The following DEPTOR variants were observed in gnomAD, a reference collection of about 807,000 sequenced individuals.
DEPTOR encodes the protein DEP domain containing MTOR interacting protein.
Under a neutral mutation model 41.6 loss-of-function variants are expected in DEPTOR, and 41 were observed. The ratio of observed to expected loss-of-function variants is 0.98; its 90% confidence interval spans 0.77 to 1.28. The LOEUF is 1.28. Ranked by LOEUF, DEPTOR falls within the 50% of genes most tolerant of loss-of-function variation. DEPTOR has a pLI of 0.00. For synonymous variants in DEPTOR, 195 were observed against 192.3 expected (o/e 1.01, Z -0.12); for missense variants, 514 against 527.9 (o/e 0.97, Z 0.26).
At chr8:120,042,429 A>G (rs983157200) in intron 8 of DEPTOR, among the ~76,000 whole-genome samples, 8 of 152,238 alleles carry the variant, frequency 5.3e-5, no homozygotes, top group Non-Finnish European at 1.2e-4. Context: ...ATTTTTACTA[A>G]CAGGACATTG....
intron 1 of DEPTOR, among the ~76,000 whole-genome samples, chr8:119,883,817 G>A (rs1435313977): frequency 1.3e-5 from 2 of 152,130 alleles, no homozygotes; most frequent in African/African-American, 4.8e-5. Context: ...GGGCCAGTAG[G>A]TATCTATGTC....
rs377443807 is a variant in DEPTOR, at chr8:119,900,380, C to CTTTTTTTTTT, written c.122+26427_122+26436dup. Among the ~76,000 whole-genome samples, 64 of 43,910 alleles carry CTTTTTTTTTT rather than the reference C, an allele frequency of 1.5e-3. 12 individuals carry two copies. Among genetic ancestry groups the CTTTTTTTTTT allele is most frequent in the African/African-American group, 7.1e-3 (59 of 8,304 alleles). 28.8% of individuals were successfully genotyped at this position (43,910 alleles called of 152,430 possible). The stretch of plus-strand genomic sequence containing the variant: ...TAAATGTCTATTACACACCCCTCAC[C>CTTTTTTTTTT]TTTTTTTTTTTTTTTTTTTTTTTTG... On this transcript the variant is annotated intron_variant, in intron 1 of 8. Coordinates refer to ENST00000286234, the MANE Select transcript of DEPTOR (RefSeq NM_022783.4).
intron 3 of DEPTOR, among the ~76,000 whole-genome samples, chr8:119,959,321 C>G (rs1243640136): frequency 6.6e-6 from 1 of 151,688 alleles, no homozygotes; most frequent in Non-Finnish European, 1.5e-5. Context: ...CACCACCACG[C>G]CCAGCTAATT....
chr8:120,009,377 C>A (rs1048293752), intron 8 of DEPTOR, among the ~76,000 whole-genome samples: 1 of 152,124 alleles, frequency 6.6e-6, no homozygotes, highest in African/African-American at 2.4e-5. Context: ...CATTCAGAGG[C>A]CAAGGCAGAC....
intron 4 of DEPTOR, among the ~76,000 whole-genome samples, chr8:119,974,467 A>T (rs1728218030): frequency 6.6e-6 from 1 of 151,930 alleles, no homozygotes; most frequent in Admixed American, 6.6e-5. Flanking sequence ...AATCTCTAGG[A>T]TAGATCTCAA....
At position 119,906,695 on chromosome 8, in the gene DEPTOR, T is replaced by C. The variant is rs559617373; in HGVS notation, c.123-21705T>C. Among the ~76,000 whole-genome samples the C allele has an allele frequency of 5.9e-5, 9 of 152,246 alleles. No individual in the cohort carries two copies. The South Asian group carries it at 1.9e-3, about 32-fold the overall frequency. On this transcript the variant is annotated intron_variant, in intron 1 of 8. Coordinates refer to ENST00000286234, the MANE Select transcript of DEPTOR (RefSeq NM_022783.4). ...TTTGATTTTCCCTATTGCTGGACCA[T>C]AAGCCTAAAGTGATGGCTGGTGACA...
intron 4 of DEPTOR, among the ~76,000 whole-genome samples, chr8:119,970,534 A>G (rs1360812500): frequency 6.6e-6 from 1 of 152,158 alleles, no homozygotes; most frequent in Non-Finnish European, 1.5e-5. Context: ...CTGGATTTAG[A>G]TGCGGCTTTT....
At chr8:119,874,938 G>A (rs940868734) in intron 1 of DEPTOR, among the ~76,000 whole-genome samples, 1 of 152,140 alleles carries the variant, frequency 6.6e-6, no homozygotes, top group Non-Finnish European at 1.5e-5. Flanking sequence ...GTTACTTCTA[G>A]TTCTTAGCCT....
At chr8:120,003,683 G>A (rs1336873031) in intron 6 of DEPTOR, among the ~76,000 whole-genome samples, 1 of 152,166 alleles carries the variant, frequency 6.6e-6, no homozygotes, top group African/African-American at 2.4e-5. Flanking sequence ...TGCAAACCCA[G>A]CTATCCCTGG....
intron 4 of DEPTOR, among the ~76,000 whole-genome samples, chr8:119,998,940 A>G (rs1414560966): frequency 1.7e-5 from 2 of 118,660 alleles, no homozygotes; most frequent in African/African-American, 3.1e-5. Flanking sequence ...CCCTCATCAA[A>G]AATAGGAAAA....
chr8:119,932,564 C>T (rs577146499), intron 3 of DEPTOR, among the ~76,000 whole-genome samples: 3 of 152,272 alleles, frequency 2.0e-5, no homozygotes, highest in South Asian at 4.1e-4. Context: ...TGCATTAATG[C>T]ATTAATTATT....
chr8:120,043,301 A>G (rs1039994221), intron 8 of DEPTOR, among the ~76,000 whole-genome samples: 1 of 152,176 alleles, frequency 6.6e-6, no homozygotes, highest in African/African-American at 2.4e-5. Flanking sequence ...ATCTAAAATT[A>G]CTACCTTGAA....
intron 7 of DEPTOR, 30 bp downstream of exon 7, chr8:120,006,905 G>T (rs779558213): frequency 6.2e-7 from 1 of 1,611,508 alleles, no homozygotes; most frequent in Non-Finnish European, 8.5e-7. Context: ...TTTTTCTCCC[G>T]TGCTGCCCAT....
intron 8 of DEPTOR, among the ~76,000 whole-genome samples, chr8:120,026,858 T>G (rs1281902836): frequency 1.3e-5 from 2 of 152,230 alleles, no homozygotes; most frequent in East Asian, 3.8e-4. Flanking sequence ...TCTACTATCA[T>G]AGTTGTTTCA....
At chr8:120,003,939 A>G (rs1212551233) in intron 6 of DEPTOR, among the ~76,000 whole-genome samples, 1 of 152,174 alleles carries the variant, frequency 6.6e-6, no homozygotes, top group Non-Finnish European at 1.5e-5. Flanking sequence ...CCATCACTAC[A>G]GTAACCGCCA....
intron 1 of DEPTOR, among the ~76,000 whole-genome samples, chr8:119,913,627 T>A (rs1827774247): frequency 6.6e-6 from 1 of 152,146 alleles, no homozygotes; most frequent in African/African-American, 2.4e-5. Flanking sequence ...ATAAAAGGTT[T>A]TTATTTCTCG....
Position 120,011,536 on chromosome 8 carries a change from T to C in DEPTOR, c.1101+2403T>C, listed in dbSNP as rs576831458. 1.1e-3 allele frequency among the ~76,000 whole-genome samples: 163 copies of C among 152,344 alleles called. 1 individual carries two copies. The South Asian group carries it at 0.033, about 31-fold the overall frequency. On this transcript the variant is annotated intron_variant, in intron 8 of 8. Transcript: ENST00000286234. ...TATTTCCACAATAAAGTACCTGGTA[T>C]AAATTTTTTTTGGCACAATGCTTCA...
rs1476588716 is a variant in DEPTOR at position 120,004,696 on chromosome 8, C to T, written c.925+1585C>T. On this transcript the variant is annotated intron_variant, in intron 6 of 8. Transcript: ENST00000286234. ...TTATGCAGGCAGAAGAAAAAGGTCTCGTTTCCTTTCGTGGGTCCCCAAGGA... is the reference window on the plus strand; with the variant it reads ...TTATGCAGGCAGAAGAAAAAGGTCTTGTTTCCTTTCGTGGGTCCCCAAGGA... Among the ~76,000 whole-genome samples the T allele has an allele frequency of 4.6e-5, 7 of 152,238 alleles. No homozygotes were observed. The South Asian group carries it at 8.3e-4, about 18-fold the overall frequency.
At chr8:119,973,674 C>A (rs755331188) in intron 4 of DEPTOR, among the ~76,000 whole-genome samples, 40 of 152,216 alleles carry the variant, frequency 2.6e-4, no homozygotes, top group Non-Finnish European at 3.2e-4. Context: ...CAGCAGCTGA[C>A]CCTGGCCTAC....
Sources: gnomAD v4.1 joint callset for allele counts (sites outside exome capture counted in the v4.1 genomes callset) on GRCh38, gnomAD v4.1.1 for gene constraint, MANE v1.5 for transcripts, NCBI Gene and HGNC (gene_info 2026-07-23, HGNC 2026-07-21) for gene names.